Variants in EIF4G3 observed in about 807,000 individuals in gnomAD.
EIF4G3 encodes eIF-4-gamma 3.
A neutral mutation model predicts 186.4 loss-of-function variants in EIF4G3; 34 were observed. The observed-to-expected ratio is 0.18, with a 90% CI of 0.14 to 0.24. The LOEUF (loss-of-function observed/expected upper bound fraction) is 0.24. Ranked by LOEUF, EIF4G3 falls within the 10% of genes least tolerant of loss-of-function variation. EIF4G3 has a pLI of 1.00. For missense variants in EIF4G3, 1,536 were observed against 1,948.5 expected (o/e 0.79, Z 3.99); for synonymous variants, 673 against 679.5 (o/e 0.99, Z 0.15).
At chr1:21,087,898 G>A (rs1384178002) in intron 3 of EIF4G3, among the ~76,000 whole-genome samples, 1 of 151,804 alleles carries the variant, frequency 6.6e-6, no homozygotes, top group Non-Finnish European at 1.5e-5. Flanking sequence ...CTCCCAAAGT[G>A]CTGGGATTAC....
At chr1:21,085,962 G>C (rs1168561372) in intron 3 of EIF4G3, among the ~76,000 whole-genome samples, 2 of 152,140 alleles carry the variant, frequency 1.3e-5, no homozygotes, top group East Asian at 3.8e-4. Flanking sequence ...AAAGTGCTGG[G>C]ATTACAGGAG....
intron 7 of EIF4G3, among the ~76,000 whole-genome samples, chr1:20,991,653 A>G (rs1299324228): frequency 6.6e-6 from 1 of 152,172 alleles, no homozygotes; most frequent in East Asian, 1.9e-4. Context: ...TAGCTAGTAG[A>G]GCTACAGCAG....
chr1:20,829,234 A>G lies in EIF4G3; in HGVS notation c.4100T>C (p.Ile1367Thr). Residue 1367 changes from isoleucine (I) to threonine (T), a missense_variant, in exon 31 of 37, where the codon ATT (isoleucine) becomes ACT (threonine). Physicochemically the swap from Ile to Thr is moderately conservative, Grantham distance 89. Transcript: ENST00000602326. ...GTACAACCAAATATGGGGAATATCA[A>G]TGGCCATGTCATCTGCCAATTCCAA... Reference protein sequence around the residue: ...ETLELADDMAIDIPHIWLYLA... With the variant: ...ETLELADDMATDIPHIWLYLA... The G allele has an allele frequency of 6.2e-7, 1 of 1,613,986 alleles. No homozygotes were observed. Among genetic ancestry groups the G allele is most frequent in the Non-Finnish European group, 8.5e-7 (1 of 1,179,942 alleles).
intron 13 of EIF4G3, among the ~76,000 whole-genome samples, chr1:20,943,090 G>C (rs2095787305): frequency 6.6e-6 from 1 of 152,130 alleles, no homozygotes; most frequent in Admixed American, 6.5e-5. Flanking sequence ...TTGAGCCCAG[G>C]AGTTTGAGGT....
intron 11 of EIF4G3, among the ~76,000 whole-genome samples, chr1:20,970,244 A>G (rs184265312): frequency 1.3e-5 from 2 of 152,350 alleles, no homozygotes; most frequent in Non-Finnish European, 2.9e-5. Flanking sequence ...ATACAAATGT[A>G]ATAATGCTGA....
chr1:21,024,576 G>A (rs1442765263), intron 4 of EIF4G3, among the ~76,000 whole-genome samples: 1 of 149,692 alleles, frequency 6.7e-6, no homozygotes, highest in African/African-American at 2.5e-5. Context: ...GGATCCTGTT[G>A]ATCTGTGACC....
Position 20,883,367 on chromosome 1 carries a change from C to A in EIF4G3, c.2424+2834G>T, listed in dbSNP as rs527513460. Among the ~76,000 whole-genome samples, 456 of 152,174 alleles carry A rather than the reference C, an allele frequency of 3.0e-3. 4 individuals carry two copies. Among genetic ancestry groups the A allele is most frequent in the Non-Finnish European group, 3.8e-3 (256 of 67,996 alleles). On this transcript the variant is annotated intron_variant, in intron 19 of 36. Coordinates refer to ENST00000602326, the MANE Select transcript of EIF4G3 (RefSeq NM_001391906.1). ...GGGGTGGTGGCTCACGCCTGTAATCCCCGCACTTTGGGAGGCCGAGGTGGG... is the reference window on the plus strand; with the variant it reads ...GGGGTGGTGGCTCACGCCTGTAATCACCGCACTTTGGGAGGCCGAGGTGGG...
At chr1:21,015,211 T>G (rs2088582906) in intron 4 of EIF4G3, among the ~76,000 whole-genome samples, 1 of 152,064 alleles carries the variant, frequency 6.6e-6, no homozygotes, top group Admixed American at 6.5e-5. Context: ...AAAAGTTATT[T>G]GAAATAATCC....
intron 2 of EIF4G3, among the ~76,000 whole-genome samples, chr1:21,168,723 G>C (rs1299022993): frequency 6.6e-6 from 1 of 151,550 alleles, no homozygotes; most frequent in South Asian, 2.1e-4. Flanking sequence ...ACCACACCTG[G>C]CCAAAAAAAG....
intron 4 of EIF4G3, among the ~76,000 whole-genome samples, chr1:21,027,889 G>A (rs2092336545): frequency 6.6e-6 from 1 of 152,128 alleles, no homozygotes; most frequent in African/African-American, 2.4e-5. Context: ...AGCCAACCAA[G>A]TATGCATCAG....
chr1:21,025,292 G>A (rs1359976436), intron 4 of EIF4G3, among the ~76,000 whole-genome samples: 1 of 152,010 alleles, frequency 6.6e-6, no homozygotes, highest in Middle Eastern at 3.2e-3. Context: ...TGTTGAACAG[G>A]GCAGAAATAT....
chr1:20,927,914 G>C (rs1253628827), intron 14 of EIF4G3, among the ~76,000 whole-genome samples: 1 of 152,144 alleles, frequency 6.6e-6, no homozygotes, highest in Non-Finnish European at 1.5e-5. Context: ...CTGGAGAGCA[G>C]TGGTGTGAAC....
chr1:20,958,158 T>TA (rs1573517697), intron 12 of EIF4G3, among the ~76,000 whole-genome samples: 1 of 152,130 alleles, frequency 6.6e-6, no homozygotes, highest in East Asian at 1.9e-4. Flanking sequence ...AACAAAATAC[T>TA]AGCTAACCAA....
intron 29 of EIF4G3, among the ~76,000 whole-genome samples, chr1:20,848,362 G>A (rs1052930187): frequency 6.6e-6 from 1 of 152,170 alleles, no homozygotes; most frequent in African/African-American, 2.4e-5. Context: ...AGATAAGACT[G>A]TTTTAACAGA....
At chr1:21,117,778 G>A (rs551117908) in intron 2 of EIF4G3, among the ~76,000 whole-genome samples, 9 of 110,558 alleles carry the variant, frequency 8.1e-5, no homozygotes, top group African/African-American at 2.6e-4. Flanking sequence ...GCAGAAGTGG[G>A]AGGATGGGGA....
At chr1:20,958,703 T>C (rs996737912) in intron 12 of EIF4G3, among the ~76,000 whole-genome samples, 10 of 152,136 alleles carry the variant, frequency 6.6e-5, no homozygotes, top group African/African-American at 1.9e-4. Flanking sequence ...CAGTAAAGCC[T>C]CAGGTTACAA....
Position 21,140,124 on chromosome 1 carries a change from G to T in EIF4G3, c.-272+36051C>A, listed in dbSNP as rs536212815. 3.3e-5 allele frequency among the ~76,000 whole-genome samples: 5 copies of T among 152,280 alleles called. No individual in the cohort carries two copies. In the East Asian group the frequency reaches 9.6e-4, roughly 29 times the overall value. On this transcript the variant is annotated intron_variant, in intron 2 of 36. Transcript: ENST00000602326. ...GGCTGTCTTCTCTCTGTAACAGTAT[G>T]TCATAATGTGTCTTTCTCAGGAAAA...
At position 20,886,487 on chromosome 1, in the gene EIF4G3, T is replaced by C. The variant is rs1262711022; in HGVS notation, c.2254-116A>G. 4.3e-6 allele frequency: 4 copies of C among 928,374 alleles called. No homozygotes were observed. The African/African-American group carries it at 6.8e-5, about 16-fold the overall frequency. The allele number at this position is 928,374 out of a possible 1,614,324, so 57.5% of individuals were successfully genotyped here. A position where few individuals can be genotyped will look rare whatever the true frequency, so the allele number is the denominator to read the frequency against. ...AATGCTAGATGCAAAGATTGGGTAC[T>C]AGGTACTCAAACTGGAGGTAATCTT... is the stretch of plus-strand genomic sequence containing the variant. On this transcript the variant is annotated intron_variant, in intron 18 of 36. Transcript: ENST00000602326.
intron 3 of EIF4G3, among the ~76,000 whole-genome samples, chr1:21,085,677 A>G (rs1342248792): frequency 6.6e-6 from 1 of 152,098 alleles, no homozygotes; most frequent in Non-Finnish European, 1.5e-5. Context: ...GATTACAGGT[A>G]GGAGACAGCA....
Sources: gnomAD v4.1 joint callset for allele counts (sites outside exome capture counted in the v4.1 genomes callset) on GRCh38, gnomAD v4.1.1 for gene constraint, MANE v1.5 for transcripts, NCBI Gene and HGNC (gene_info 2026-07-23, HGNC 2026-07-21) for gene names.